The following PTPN3 variants were observed in gnomAD, a reference collection of about 807,000 sequenced individuals.
PTPN3 encodes tyrosine-protein phosphatase non-receptor type 3.
Under a neutral mutation model 132.7 loss-of-function variants are expected in PTPN3, and 96 were observed. The observed-to-expected ratio is 0.72, with a 90% CI of 0.61 to 0.86. The LOEUF is 0.86. PTPN3 is among the 40% of genes least tolerant of loss of function. The probability of loss-of-function intolerance (pLI) is 0.00; values close to 1 mark genes in which losing one functional copy is unlikely to be tolerated. For missense variants in PTPN3, 1,125 were observed against 1,159.6 expected (o/e 0.97, Z 0.43); for synonymous variants, 398 against 429.0 (o/e 0.93, Z 0.89).
In PTPN3 at chr9:109,379,478, C is replaced by T. The variant is rs371464957; in HGVS notation, c.*78G>A. ...TTCCCACAGCTACTGGTTCCTCTTG[C>T]TGCTTCCAGAGAGGTCTGTCCTCCT... On this transcript the variant is annotated 3_prime_UTR_variant, in exon 26 of 26. Transcript: ENST00000374541. 9 of 1,356,788 alleles carry T rather than the reference C, an allele frequency of 6.6e-6. No homozygotes were observed. The East Asian group carries it at 9.2e-5, about 14-fold the overall frequency. 84.0% of individuals were successfully genotyped at this position (1,356,788 alleles called of 1,614,324 possible). A position where few individuals can be genotyped will look rare whatever the true frequency, so the allele number is the denominator to read the frequency against.
At chr9:109,394,225 G>A (rs927544284) in intron 19 of PTPN3, among the ~76,000 whole-genome samples, 4 of 152,174 alleles carry the variant, frequency 2.6e-5, no homozygotes, top group African/African-American at 9.6e-5. Context: ...AGTGAACATA[G>A]TAAAGCTAAC....
intron 22 of PTPN3, among the ~76,000 whole-genome samples, chr9:109,388,409 A>T (rs569176802): frequency 4.0e-4 from 61 of 152,310 alleles, no homozygotes; most frequent in African/African-American, 1.4e-3. Flanking sequence ...GGAATCTCTA[A>T]TGCAGGAAAC....
upstream of PTPN3, among the ~76,000 whole-genome samples, chr9:109,501,283 G>C (rs1156540095): frequency 6.6e-6 from 1 of 152,166 alleles, no homozygotes. Flanking sequence ...TCTAGGGGCT[G>C]TTCACAGCTG....
the PTPN3 span, among the ~76,000 whole-genome samples, chr9:109,535,438 C>A: frequency 6.6e-6 from 1 of 152,192 alleles, no homozygotes; most frequent in African/African-American, 2.4e-5. Flanking sequence ...AGTCCAAAGA[C>A]ATTCCAGGCT....
At chr9:109,457,250 A>G (rs1161478433) in intron 3 of PTPN3, 35 bp from the exon 4 acceptor site, 2 of 1,612,690 alleles carry the variant, frequency 1.2e-6, no homozygotes, top group African/African-American at 1.3e-5. Context: ...ATAAAAGCAA[A>G]CCGTGAAGGA....
intron 12 of PTPN3, among the ~76,000 whole-genome samples, chr9:109,424,390 C>T (rs1386225626): frequency 6.6e-6 from 1 of 152,186 alleles, no homozygotes; most frequent in Admixed American, 6.5e-5. Flanking sequence ...CTTGTCCTCC[C>T]AAGCCATCCT....
At chr9:109,451,156 C>T (rs1845217679) in intron 5 of PTPN3, 2 of 957,346 alleles carry the variant, frequency 2.1e-6, no homozygotes, top group Non-Finnish European at 2.5e-6. Flanking sequence ...ACTCAGGAGG[C>T]TGAGGGAGGA....
intron 4 of PTPN3, 53 bp downstream of exon 4, chr9:109,457,120 G>A: frequency 6.4e-7 from 1 of 1,567,088 alleles, no homozygotes; most frequent in African/African-American, 1.4e-5. Context: ...GGAGAAACAG[G>A]CTGTGATACA....
At chr9:109,388,586 G>C (rs1839796320) in intron 22 of PTPN3, among the ~76,000 whole-genome samples, 1 of 152,166 alleles carries the variant, frequency 6.6e-6, no homozygotes, top group Non-Finnish European at 1.5e-5. Context: ...GGAGTGGCTG[G>C]AGGAAGCTGA....
intron 19 of PTPN3, chr9:109,392,852 C>G (rs147491594): frequency 1.3e-5 from 2 of 152,318 alleles, no homozygotes; most frequent in Non-Finnish European, 2.9e-5. Flanking sequence ...GATCTGCCCG[C>G]CTGGACCTCC....
chr9:109,444,682 A>T (rs981011828), intron 7 of PTPN3, among the ~76,000 whole-genome samples: 3 of 152,216 alleles, frequency 2.0e-5, no homozygotes, highest in Non-Finnish European at 2.9e-5. Flanking sequence ...CTTAAGTTAC[A>T]TATATGATTC....
the PTPN3 span, among the ~76,000 whole-genome samples, chr9:109,512,886 G>C: frequency 6.6e-6 from 1 of 152,092 alleles, no homozygotes; most frequent in Admixed American, 6.6e-5. Flanking sequence ...TCCTTCCCCT[G>C]GTCCTTTTCC....
rs767545854 is a variant in PTPN3 at position 109,449,103 on chromosome 9, T to C, written c.369-248A>G. 8.1e-5 allele frequency: 108 copies of C among 1,333,980 alleles called. No individual in the cohort carries two copies. In the Middle Eastern group the frequency reaches 1.1e-3, roughly 14 times the overall value. The allele number at this position is 1,333,980 out of a possible 1,614,324, so 82.6% of individuals were successfully genotyped here. A position where few individuals can be genotyped will look rare whatever the true frequency, so the allele number is the denominator to read the frequency against. ...TTTTCTGCCAGCACAGGCTGTCCTA[T>C]GAAGAGCTGAGCAGGGATGAATGGG... On this transcript the variant is annotated intron_variant, in intron 5 of 25. Coordinates refer to ENST00000374541, the MANE Select transcript of PTPN3 (RefSeq NM_002829.4).
intron 14 of PTPN3, among the ~76,000 whole-genome samples, chr9:109,419,975 C>T (rs1842777777): frequency 6.6e-6 from 1 of 152,110 alleles, no homozygotes; most frequent in Admixed American, 6.5e-5. Context: ...AAACAAAACC[C>T]CTCAGAACCC....
rs1338617782 is a variant in PTPN3, at chr9:109,376,201, T to C, written c.*3355A>G. 1 of 152,152 alleles carries C rather than the reference T, an allele frequency of 6.6e-6. No individual in the cohort carries two copies. Among genetic ancestry groups the C allele is most frequent in the Non-Finnish European group, 1.5e-5 (1 of 68,026 alleles). The allele number at this position is 152,152 out of a possible 1,614,324, so 9.4% of individuals were successfully genotyped here. A position where few individuals can be genotyped will look rare whatever the true frequency, so the allele number is the denominator to read the frequency against. On this transcript the variant is annotated 3_prime_UTR_variant, in exon 26 of 26. Coordinates refer to ENST00000374541, the MANE Select transcript of PTPN3 (RefSeq NM_002829.4). The stretch of plus-strand genomic sequence containing the variant: ...TCCAGCCCAACCTTCCCTTTTTACA[T>C]ATAAGAAAACTCAGGGTTGAGGGCA...
At chr9:109,445,681 A>C (rs1844808487) in intron 6 of PTPN3, among the ~76,000 whole-genome samples, 1 of 152,220 alleles carries the variant, frequency 6.6e-6, no homozygotes, top group Non-Finnish European at 1.5e-5. Flanking sequence ...GAGACTCATC[A>C]TAGGGCTCTC....
the PTPN3 span, among the ~76,000 whole-genome samples, chr9:109,524,038 G>T: frequency 6.6e-6 from 1 of 152,086 alleles, no homozygotes; most frequent in Non-Finnish European, 1.5e-5. Context: ...TAGAGCCCAG[G>T]AGTTCAAGAC....
chr9:109,401,790 A>C (rs532444405), intron 19 of PTPN3, among the ~76,000 whole-genome samples: 3 of 152,202 alleles, frequency 2.0e-5, no homozygotes, highest in African/African-American at 7.2e-5. Context: ...CTTTGTCTGC[A>C]TTTGGGCTGA....
chr9:109,453,173 A>G (rs1001530847), intron 5 of PTPN3, among the ~76,000 whole-genome samples: 1 of 152,218 alleles, frequency 6.6e-6, no homozygotes, highest in Non-Finnish European at 1.5e-5. Flanking sequence ...GTGCACAAAG[A>G]AGGCAAAATA....
Sources: gnomAD v4.1 joint callset for allele counts (sites outside exome capture counted in the v4.1 genomes callset) on GRCh38, gnomAD v4.1.1 for gene constraint, MANE v1.5 for transcripts, NCBI Gene and HGNC (gene_info 2026-07-23, HGNC 2026-07-21) for gene names.